NTRK3: variants seen among roughly 807,000 people sequenced by gnomAD.
NTRK3 encodes the protein neurotrophic receptor tyrosine kinase 3.
A neutral mutation model predicts 91.7 loss-of-function variants in NTRK3; 24 were observed. The observed-to-expected ratio is 0.26, with a 90% CI of 0.19 to 0.37. The LOEUF (loss-of-function observed/expected upper bound fraction) is 0.37. Ranked by LOEUF, NTRK3 falls within the 10% of genes least tolerant of loss-of-function variation. The pLI is 1.00. For synonymous variants in NTRK3, 483 were observed against 404.0 expected, an observed-to-expected ratio of 1.20 and a Z score of -2.34; for missense variants, 880 against 1,068.9, an observed-to-expected ratio of 0.82 and a Z score of 2.46.
At chr15:88,019,655 C>G (rs1295344687) in intron 14 of NTRK3, among the ~76,000 whole-genome samples, 1 of 152,198 alleles carries the variant, frequency 6.6e-6, no homozygotes, top group African/African-American at 2.4e-5. Flanking sequence ...GGCCCCTAGT[C>G]CATGTGTTTG....
intron 17 of NTRK3, 43 bp from the exon 18 acceptor site, chr15:87,885,778 T>C: frequency 1.1e-6 from 1 of 926,114 alleles, no homozygotes; most frequent in Non-Finnish European, 1.5e-6. Context: ...AGAAGAAAAC[T>C]TAGAAAAGTA....
At chr15:88,195,676 G>C (rs1203917695) in intron 3 of NTRK3, among the ~76,000 whole-genome samples, 1 of 152,210 alleles carries the variant, frequency 6.6e-6, no homozygotes, top group Non-Finnish European at 1.5e-5. Flanking sequence ...AGGCATCTTA[G>C]CTTTGAACCA....
At chr15:88,072,026 G>A (rs906095145) in intron 13 of NTRK3, among the ~76,000 whole-genome samples, 5 of 143,182 alleles carry the variant, frequency 3.5e-5, no homozygotes, top group African/African-American at 1.3e-4. Flanking sequence ...TTTTTTTTGA[G>A]ATGGAGTCTT....
chr15:88,212,578 TC>T (rs770344794), intron 3 of NTRK3, among the ~76,000 whole-genome samples: 2 of 152,038 alleles, frequency 1.3e-5, no homozygotes, highest in African/African-American at 4.8e-5. Flanking sequence ...TGGACCTCGT[TC>T]CTACCCAAAA....
intron 3 of NTRK3, among the ~76,000 whole-genome samples, chr15:88,186,654 G>C (rs1391209715): frequency 6.6e-6 from 1 of 152,128 alleles, no homozygotes; most frequent in Non-Finnish European, 1.5e-5. Flanking sequence ...ATCAAAAGAA[G>C]AATTATATTT....
chr15:88,033,178 A>ATATATATATATATG (rs2078729250), intron 13 of NTRK3, 133 bp from the exon 14 acceptor site: 1 of 37,256 alleles, frequency 2.7e-5, no homozygotes, highest in Non-Finnish European at 5.5e-5. Flanking sequence ...GGGGTGTGTT[A>ATATATATATATATG]TATATATATA....
chr15:88,165,334 C>T (rs1040985497), intron 5 of NTRK3, among the ~76,000 whole-genome samples: 2 of 152,160 alleles, frequency 1.3e-5, no homozygotes, highest in Admixed American at 1.3e-4. Context: ...CACTGAATGG[C>T]TCAATTTTCC....
At chr15:88,228,192 A>G (rs2050848381) in intron 3 of NTRK3, among the ~76,000 whole-genome samples, 1 of 151,972 alleles carries the variant, frequency 6.6e-6, no homozygotes, top group Admixed American at 6.6e-5. Context: ...TGGGCTCCCC[A>G]CTGGAAATCC....
chr15:88,188,759 T>C (rs1320131907), intron 3 of NTRK3, among the ~76,000 whole-genome samples: 3 of 152,212 alleles, frequency 2.0e-5, no homozygotes, highest in Admixed American at 1.3e-4. Context: ...AGGGGTGTGT[T>C]GGCCTGCTGG....
exon 19 of NTRK3, chr15:87,864,530 T>C (rs2064611560): frequency 4.4e-6 from 1 of 229,596 alleles, no homozygotes; most frequent in African/African-American, 2.2e-5. Flanking sequence ...AGTTATATAG[T>C]GAAATGAGCT....
intron 3 of NTRK3, among the ~76,000 whole-genome samples, chr15:88,231,626 CCAT>C (rs2051187683): frequency 6.6e-6 from 1 of 152,166 alleles, no homozygotes; most frequent in African/African-American, 2.4e-5. Context: ...ATGCGAGCAT[CCAT>C]CAACACCAGT....
chr15:88,229,972 T>C (rs967429394), intron 3 of NTRK3, among the ~76,000 whole-genome samples: 8 of 152,178 alleles, frequency 5.3e-5, no homozygotes, highest in African/African-American at 1.9e-4. Context: ...CACCTCCAGA[T>C]GTAGGTTGGA....
At chr15:88,115,427 C>T (rs1320701173) in intron 13 of NTRK3, among the ~76,000 whole-genome samples, 1 of 152,234 alleles carries the variant, frequency 6.6e-6, no homozygotes, top group African/African-American at 2.4e-5. Flanking sequence ...CCAAGGCTAA[C>T]CCACTGAACT....
intron 13 of NTRK3, among the ~76,000 whole-genome samples, chr15:88,049,655 C>T (rs2080612484): frequency 6.6e-6 from 1 of 152,240 alleles, no homozygotes; most frequent in African/African-American, 2.4e-5. Flanking sequence ...AGTTCCCAAA[C>T]ACACTCAGAA....
chr15:88,088,482 A>G (rs1370738828), intron 13 of NTRK3, among the ~76,000 whole-genome samples: 5 of 152,186 alleles, frequency 3.3e-5, no homozygotes, highest in Non-Finnish European at 5.9e-5. Context: ...ATAATATAGT[A>G]TTCATAGTAA....
chr15:88,016,802 C>T (rs1370934248), intron 14 of NTRK3, among the ~76,000 whole-genome samples: 1 of 151,978 alleles, frequency 6.6e-6, no homozygotes. Context: ...AGGAGAGTGT[C>T]ATTTTTTTTT....
At chr15:87,879,800 G>A (rs549677915) in intron 18 of NTRK3, among the ~76,000 whole-genome samples, 8 of 152,048 alleles carry the variant, frequency 5.3e-5, no homozygotes, top group Non-Finnish European at 1.0e-4. Flanking sequence ...TTTATTCCTA[G>A]ACGTTCACAC....
chr15:87,898,796 G>T (rs2141628876), intron 17 of NTRK3, among the ~76,000 whole-genome samples: 1 of 138,248 alleles, frequency 7.2e-6, no homozygotes, highest in East Asian at 2.1e-4. Context: ...GACCAGCCTG[G>T]CCAACACAGT....
exon 15 of NTRK3, chr15:87,940,644 G>T (rs140982180): frequency 6.2e-7 from 1 of 1,614,014 alleles, no homozygotes; most frequent in Non-Finnish European, 8.5e-7. Flanking sequence ...CAAGCATCTT[G>T]TCCTTGGTCG....
Sources: allele counts gnomAD v4.1 joint callset (sites outside exome capture counted in the v4.1 genomes callset), GRCh38; gene constraint gnomAD v4.1.1; transcripts MANE v1.5; gene names NCBI Gene and HGNC (gene_info 2026-07-23, HGNC 2026-07-21).